FSTL5: variants seen among roughly 807,000 people sequenced by gnomAD.
FSTL5 encodes follistatin like 5, also known as follistatin-related protein 5.
A neutral mutation model predicts 89.1 loss-of-function variants in FSTL5; 62 were observed. That is an observed-to-expected ratio of 0.70 (90% CI 0.57 to 0.86). FSTL5 has a LOEUF of 0.86. FSTL5 is among the 40% of genes least tolerant of loss of function. FSTL5 has a pLI of 0.00. For synonymous variants in FSTL5, 383 were observed against 346.2 expected, an observed-to-expected ratio of 1.11 and a Z score of -1.18; for missense variants, 1,057 against 1,001.6, an observed-to-expected ratio of 1.06 and a Z score of -0.75.
At chr4:161,809,090 C>T (rs1235988100) in intron 4 of FSTL5, among the ~76,000 whole-genome samples, 2 of 151,954 alleles carry the variant, frequency 1.3e-5, no homozygotes, top group African/African-American at 4.8e-5. Context: ...TTGGTGGCGG[C>T]TGCCTGTAGT....
chr4:162,126,957 T>C (rs1215650415), intron 1 of FSTL5, among the ~76,000 whole-genome samples: 28 of 152,188 alleles, frequency 1.8e-4, no homozygotes, highest in Admixed American at 1.8e-3. Context: ...GCATTGCAGA[T>C]TCAGTCACCA....
chr4:161,831,064 T>C (rs1468803789), intron 4 of FSTL5, among the ~76,000 whole-genome samples: 1 of 151,938 alleles, frequency 6.6e-6, no homozygotes, highest in Non-Finnish European at 1.5e-5. Flanking sequence ...AGTATTCTTG[T>C]ATTCAAGATT....
At chr4:161,802,051 G>A (rs1233001051) in intron 4 of FSTL5, among the ~76,000 whole-genome samples, 1 of 151,646 alleles carries the variant, frequency 6.6e-6, no homozygotes, top group Non-Finnish European at 1.5e-5. Context: ...TTTAAAAATA[G>A]TTAAGTAATG....
At chr4:162,143,475 G>A (rs1266791585) in intron 1 of FSTL5, among the ~76,000 whole-genome samples, 1 of 152,044 alleles carries the variant, frequency 6.6e-6, no homozygotes, top group Non-Finnish European at 1.5e-5. Context: ...ATGTTTACAG[G>A]TGAACACCAT....
chr4:161,893,508 C>T (rs1733054543), intron 4 of FSTL5, among the ~76,000 whole-genome samples: 1 of 152,114 alleles, frequency 6.6e-6, no homozygotes, highest in African/African-American at 2.4e-5. Flanking sequence ...TCCTTAACAG[C>T]TAAACCACTG....
chr4:161,685,013 C>T (rs1737665214), intron 6 of FSTL5, among the ~76,000 whole-genome samples: 1 of 151,966 alleles, frequency 6.6e-6, no homozygotes, highest in African/African-American at 2.4e-5. Flanking sequence ...AGGTCCTTTC[C>T]CCTTTTTATT....
At chr4:161,675,613 A>C (rs1737274409) in intron 6 of FSTL5, among the ~76,000 whole-genome samples, 1 of 151,716 alleles carries the variant, frequency 6.6e-6, no homozygotes, top group Admixed American at 6.6e-5. Context: ...TAATTTCCTC[A>C]GGAGTTCAAA....
intron 4 of FSTL5, among the ~76,000 whole-genome samples, chr4:161,887,404 TATCTATCTATCTATCTATCTATC>T (rs935308873): frequency 8.8e-4 from 37 of 41,866 alleles, no homozygotes; most frequent in African/African-American, 1.3e-3. Context: ...TCTATCTATC[TATCTATCTATCTATCTATCTATC>T]ATCTATCTAC....
chr4:162,049,674 T>G (rs1045145430), intron 2 of FSTL5, among the ~76,000 whole-genome samples: 1 of 152,066 alleles, frequency 6.6e-6, no homozygotes, highest in Middle Eastern at 3.2e-3. Flanking sequence ...AAAGGAAGAA[T>G]AGCTAATCTT....
At chr4:161,819,725 T>A (rs1730434539) in intron 4 of FSTL5, among the ~76,000 whole-genome samples, 1 of 152,058 alleles carries the variant, frequency 6.6e-6, no homozygotes, top group African/African-American at 2.4e-5. Flanking sequence ...TTAAAAATAA[T>A]CTCCTTTGCA....
intron 15 of FSTL5, among the ~76,000 whole-genome samples, chr4:161,441,593 G>T (rs1732763935): frequency 6.6e-6 from 1 of 152,008 alleles, no homozygotes; most frequent in Non-Finnish European, 1.5e-5. Context: ...ACTGAGTTAA[G>T]TCTCTACGGC....
At chr4:161,782,394 G>T (rs1475533667) in intron 4 of FSTL5, among the ~76,000 whole-genome samples, 2 of 152,086 alleles carry the variant, frequency 1.3e-5, no homozygotes, top group African/African-American at 4.8e-5. Context: ...CCATATCCTT[G>T]CCAGGATTTG....
intron 4 of FSTL5, among the ~76,000 whole-genome samples, chr4:161,814,042 AAG>A (rs980488590): frequency 1.6e-4 from 24 of 152,172 alleles, no homozygotes; most frequent in African/African-American, 5.8e-4. Context: ...AAGAGAGGAA[AAG>A]AGAAAATGCA....
intron 4 of FSTL5, among the ~76,000 whole-genome samples, chr4:161,835,300 A>C (rs1730999730): frequency 6.6e-6 from 1 of 152,256 alleles, no homozygotes; most frequent in African/African-American, 2.4e-5. Context: ...ACAAAAATTA[A>C]TTCAAGATGG....
rs1321646339 is a variant in FSTL5, at chr4:161,885,520, A to G, written c.409+34884T>C. ...GAGTGCAGTGGTACAATCTTGGCTC[A>G]CTTCAGCCTCAACCTCCCAGACTCA... On this transcript the variant is annotated intron_variant, in intron 4 of 15. Transcript: ENST00000306100. 1.6e-4 allele frequency among the ~76,000 whole-genome samples: 25 copies of G among 152,146 alleles called. 1 individual carries two copies. Among genetic ancestry groups the G allele is most frequent in the Admixed American group, 1.6e-3 (25 of 15,266 alleles).
At chr4:161,859,578 T>C (rs1560885755) in intron 4 of FSTL5, among the ~76,000 whole-genome samples, 1 of 152,252 alleles carries the variant, frequency 6.6e-6, no homozygotes, top group Admixed American at 6.5e-5. Flanking sequence ...ACTTGCTCAA[T>C]TTCCAAAATT....
chr4:161,668,997 A>G (rs1451485660), intron 6 of FSTL5, among the ~76,000 whole-genome samples: 3 of 151,464 alleles, frequency 2.0e-5, no homozygotes, highest in Non-Finnish European at 1.5e-5. Flanking sequence ...CTATAATCCC[A>G]GCTGCTCAGG....
chr4:161,867,284 C>A (rs1405879079), intron 4 of FSTL5, among the ~76,000 whole-genome samples: 1 of 152,030 alleles, frequency 6.6e-6, no homozygotes, highest in East Asian at 1.9e-4. Context: ...AAACTATATA[C>A]TCTCTTAAAG....
chr4:161,479,504 G>C (rs1434038576), intron 13 of FSTL5, among the ~76,000 whole-genome samples: 2 of 152,052 alleles, frequency 1.3e-5, no homozygotes, highest in Non-Finnish European at 2.9e-5. Flanking sequence ...TAATCCACCA[G>C]CAAGGAGTTT....
Sources: allele counts gnomAD v4.1 joint callset (sites outside exome capture counted in the v4.1 genomes callset), GRCh38; gene constraint gnomAD v4.1.1; transcripts MANE v1.5; gene names NCBI Gene and HGNC (gene_info 2026-07-23, HGNC 2026-07-21).